The following DPP10 variants were observed in gnomAD, a reference collection of about 807,000 sequenced individuals.
DPP10 encodes the protein inactive dipeptidyl peptidase 10.
A neutral mutation model predicts 120.9 loss-of-function variants in DPP10; 33 were observed. The ratio of observed to expected loss-of-function variants is 0.27; its 90% CI spans 0.21 to 0.37. The LOEUF is 0.37. DPP10 is among the 10% of genes least tolerant of loss of function. The pLI, the probability that DPP10 is intolerant of heterozygous loss-of-function variation, is 1.00. For missense variants in DPP10, 816 were observed against 942.8 expected, an observed-to-expected ratio of 0.87 and a Z score of 1.76; for synonymous variants, 337 against 326.1, an observed-to-expected ratio of 1.03 and a Z score of -0.36.
In DPP10 at chr2:115,413,524, T is replaced by TA. The variant is rs1230468350; in HGVS notation, c.271+69619dup. On this transcript the variant is annotated intron_variant, in intron 3 of 25. Transcript: ENST00000410059. ...CTCTACTTTTTAATGCTCTGCAATTTAAAAAAATGTTACTTTTGTCATCAG... is the reference window on the plus strand; with the variant it reads ...CTCTACTTTTTAATGCTCTGCAATTTAAAAAAAATGTTACTTTTGTCATCAG... Among the ~76,000 whole-genome samples, 16 of 152,290 alleles carry TA rather than the reference T, an allele frequency of 1.1e-4. No homozygotes were observed. The East Asian group carries it at 2.3e-3, about 22-fold the overall frequency.
chr2:115,491,029 G>A (rs1047172174), intron 3 of DPP10, among the ~76,000 whole-genome samples: 1 of 152,068 alleles, frequency 6.6e-6, no homozygotes, highest in Non-Finnish European at 1.5e-5. Flanking sequence ...GAGGCAGCAG[G>A]ATCACTTGAA....
At chr2:114,463,270 C>T (rs1679080491) in intron 1 of DPP10, 2 of 152,202 alleles carry the variant, frequency 1.3e-5, no homozygotes, top group Non-Finnish European at 2.9e-5. Context: ...ATGTTTCCTA[C>T]TCTAGTACTG....
intron 1 of DPP10, among the ~76,000 whole-genome samples, chr2:115,117,262 T>C (rs1196259879): frequency 2.0e-5 from 3 of 152,204 alleles, no homozygotes; most frequent in Non-Finnish European, 4.4e-5. Context: ...GGTTTTATCA[T>C]TAAAAAGTGA....
chr2:115,300,992 T>C (rs2061101110), intron 1 of DPP10, among the ~76,000 whole-genome samples: 1 of 152,030 alleles, frequency 6.6e-6, no homozygotes, highest in African/African-American at 2.4e-5. Flanking sequence ...GTTCTCTAAA[T>C]AGCCCGGTAT....
chr2:115,700,465 G>C (rs1030940685), intron 7 of DPP10, among the ~76,000 whole-genome samples: 3 of 152,022 alleles, frequency 2.0e-5, no homozygotes, highest in African/African-American at 7.2e-5. Flanking sequence ...TATGCAAAAT[G>C]AACGGTGATC....
At chr2:114,662,141 A>G (rs892766693) in intron 1 of DPP10, among the ~76,000 whole-genome samples, 1 of 152,204 alleles carries the variant, frequency 6.6e-6, no homozygotes, top group Non-Finnish European at 1.5e-5. Flanking sequence ...AGCAAAGCCA[A>G]AAATCAGGTC....
At chr2:114,508,354 A>G (rs918240948) in intron 1 of DPP10, among the ~76,000 whole-genome samples, 6 of 152,202 alleles carry the variant, frequency 3.9e-5, no homozygotes, top group South Asian at 2.1e-4. Context: ...CGTAAATTAT[A>G]TAGTTTTTTA....
intron 1 of DPP10, among the ~76,000 whole-genome samples, chr2:114,486,412 T>C (rs561030407): frequency 1.3e-5 from 2 of 152,272 alleles, no homozygotes; most frequent in African/African-American, 4.8e-5. Context: ...ATCCAAATAA[T>C]TTTTTAATAA....
At chr2:115,632,722 A>G (rs529317363) in intron 5 of DPP10, among the ~76,000 whole-genome samples, 17 of 152,208 alleles carry the variant, frequency 1.1e-4, no homozygotes, top group Non-Finnish European at 1.9e-4. Flanking sequence ...AAAAACTTAA[A>G]TAAATTTACA....
In DPP10 at chr2:114,972,002, G is replaced by A. The variant is rs13426327; in HGVS notation, c.61-337237G>A. 3.2e-3 allele frequency among the ~76,000 whole-genome samples: 480 copies of A among 152,226 alleles called. 1 individual carries two copies. Among genetic ancestry groups the A allele is most frequent in the African/African-American group, 0.011 (469 of 41,546 alleles). ...TCATCCTTTATAGTAGCACAATTTA[G>A]AAACAAGTTAGACTATTATGAATAA... is the stretch of plus-strand genomic sequence containing the variant. On this transcript the variant is annotated intron_variant, in intron 1 of 25. Transcript: ENST00000410059.
intron 1 of DPP10, among the ~76,000 whole-genome samples, chr2:115,088,994 C>G (rs776911423): frequency 6.6e-6 from 1 of 151,896 alleles, no homozygotes; most frequent in Non-Finnish European, 1.5e-5. Flanking sequence ...CCAGGTTGGC[C>G]CCTCATCCTC....
intron 9 of DPP10, among the ~76,000 whole-genome samples, chr2:115,744,491 C>CA (rs1677699157): frequency 6.7e-6 from 1 of 150,302 alleles, no homozygotes; most frequent in African/African-American, 2.4e-5. Flanking sequence ...AATTCTGATC[C>CA]AGAACCTTTG....
intron 5 of DPP10, among the ~76,000 whole-genome samples, chr2:115,607,545 T>G (rs1186288821): frequency 2.0e-5 from 3 of 152,222 alleles, no homozygotes; most frequent in Non-Finnish European, 4.4e-5. Flanking sequence ...TTTTAGAAAT[T>G]GTGCTAAAGT....
chr2:115,502,631 G>C (rs1016192208), intron 4 of DPP10, among the ~76,000 whole-genome samples: 2 of 152,024 alleles, frequency 1.3e-5, no homozygotes, highest in African/African-American at 4.8e-5. Context: ...AATTATAAGG[G>C]GGTTGTAAAC....
rs867704833 is a variant in DPP10 at position 114,855,948 on chromosome 2, T to A, written c.60+413110T>A. The stretch of plus-strand genomic sequence containing the variant: ...TCCCATCTTCAGGCATCCCTCAGGC[T>A]AAAAAAAAAAAGCCACAGAACAAAC... On this transcript the variant is annotated intron_variant, in intron 1 of 25. Transcript: ENST00000410059. Among the ~76,000 whole-genome samples the A allele has an allele frequency of 9.8e-4, 141 of 143,590 alleles. 1 individual carries two copies. The highest frequency in any genetic ancestry group is 3.4e-3 in the African/African-American group (132 of 39,072). The allele number at this position is 143,590 out of a possible 152,430, so 94.2% of individuals were successfully genotyped here. A position where few individuals can be genotyped will look rare whatever the true frequency, so the allele number is the denominator to read the frequency against.
intron 1 of DPP10, among the ~76,000 whole-genome samples, chr2:114,600,948 T>G (rs1692313551): frequency 1.3e-5 from 2 of 151,858 alleles, no homozygotes; most frequent in Non-Finnish European, 3.0e-5. Flanking sequence ...CAGGAACACT[T>G]TAAAAGAGTT....
At chr2:115,692,358 G>T (rs1165865785) in intron 7 of DPP10, among the ~76,000 whole-genome samples, 1 of 151,840 alleles carries the variant, frequency 6.6e-6, no homozygotes, top group Non-Finnish European at 1.5e-5. Flanking sequence ...GTGCCTACAG[G>T]ATCAATCTTA....
chr2:114,730,291 T>C (rs545854099), intron 1 of DPP10, among the ~76,000 whole-genome samples: 1 of 152,064 alleles, frequency 6.6e-6, no homozygotes, highest in Non-Finnish European at 1.5e-5. Context: ...CAGTGGAGAG[T>C]AGATAATAGG....
chr2:115,416,900 A>G (rs2069486403), intron 3 of DPP10, among the ~76,000 whole-genome samples: 1 of 152,146 alleles, frequency 6.6e-6, no homozygotes, highest in African/African-American at 2.4e-5. Flanking sequence ...TTCAGACCTG[A>G]GAAGACCGCT....
Sources: allele counts gnomAD v4.1 joint callset (sites outside exome capture counted in the v4.1 genomes callset), GRCh38; gene constraint gnomAD v4.1.1; transcripts MANE v1.5; gene names NCBI Gene and HGNC (gene_info 2026-07-23, HGNC 2026-07-21).